Variants in PDE1C observed in about 807,000 individuals in gnomAD.
PDE1C encodes the protein phosphodiesterase 1C.
PDE1C carries 62 observed loss-of-function variants against 93.1 expected under a neutral mutation model. The ratio of observed to expected loss-of-function variants is 0.67; its 90% CI spans 0.54 to 0.82. The LOEUF (loss-of-function observed/expected upper bound fraction) is 0.82, where lower values mean the gene tolerates loss of function less well. Among genes scored for constraint, PDE1C ranks in the 40% least tolerant of loss-of-function variants. The pLI, the probability that PDE1C is intolerant of heterozygous loss-of-function variation, is 0.00. For synonymous variants in PDE1C, 325 were observed against 310.1 expected, an observed-to-expected ratio of 1.05 and a Z score of -0.50; for missense variants, 742 against 884.6, an observed-to-expected ratio of 0.84 and a Z score of 2.04.
exon 1 of PDE1C, chr7:32,299,119 G>T: frequency 9.6e-7 from 1 of 1,046,840 alleles, no homozygotes; most frequent in East Asian, 8.2e-5. Context: ...GCGCGCCACA[G>T]GAAAGTCTGT....
the PDE1C span, among the ~76,000 whole-genome samples, chr7:31,617,414 A>T: frequency 6.6e-6 from 1 of 152,222 alleles, no homozygotes; most frequent in Non-Finnish European, 1.5e-5. Context: ...CAAGAGAGTC[A>T]TTGAAATAAT....
chr7:31,701,442 T>C, the PDE1C span, among the ~76,000 whole-genome samples: 1 of 152,176 alleles, frequency 6.6e-6, no homozygotes. Context: ...GCAAAGAAAA[T>C]GGTTTCTTGA....
intron 15 of PDE1C, among the ~76,000 whole-genome samples, chr7:31,815,404 C>A (rs1788106259): frequency 6.6e-6 from 1 of 152,086 alleles, no homozygotes; most frequent in Non-Finnish European, 1.5e-5. Context: ...CCCCAGTTTG[C>A]CTGGAGCTCT....
At chr7:32,139,300 CTTTT>C (rs34277412) in intron 3 of PDE1C, among the ~76,000 whole-genome samples, 14 of 82,916 alleles carry the variant, frequency 1.7e-4, no homozygotes, top group African/African-American at 6.8e-4. Flanking sequence ...CAAAATCAAC[CTTTT>C]TTTTTTTTTT....
At chr7:31,998,434 G>A (rs1785042325) in intron 2 of PDE1C, among the ~76,000 whole-genome samples, 1 of 152,136 alleles carries the variant, frequency 6.6e-6, no homozygotes. Context: ...TCTATGGTAG[G>A]CCTCTGTGCA....
At chr7:31,724,154 T>C in the PDE1C span, among the ~76,000 whole-genome samples, 3 of 152,198 alleles carry the variant, frequency 2.0e-5, no homozygotes, top group East Asian at 3.9e-4. Flanking sequence ...CCTTTGTTCT[T>C]TGGTGTCTTT....
chr7:32,271,388 G>A (rs1036361119), intron 1 of PDE1C, among the ~76,000 whole-genome samples: 3 of 152,214 alleles, frequency 2.0e-5, no homozygotes, highest in Admixed American at 2.0e-4. Context: ...GTAATGCCAC[G>A]CTATTCTAGA....
At chr7:31,807,457 T>A (rs538005834) in intron 16 of PDE1C, among the ~76,000 whole-genome samples, 1 of 151,770 alleles carries the variant, frequency 6.6e-6, no homozygotes, top group East Asian at 2.0e-4. Context: ...TATGATTCAG[T>A]TACAAAGGGC....
At chr7:31,837,343 C>T (rs750626590) in intron 10 of PDE1C, 43 bp from the exon 11 acceptor site, 2 of 1,524,344 alleles carry the variant, frequency 1.3e-6, no homozygotes, top group Non-Finnish European at 1.8e-6. Context: ...CCACACTCTT[C>T]AGAACCTCAG....
intron 1 of PDE1C, among the ~76,000 whole-genome samples, chr7:32,211,942 C>A (rs73304673): frequency 0.023 from 3,426 of 148,196 alleles, 73 homozygotes; most frequent in African/African-American, 0.06. Context: ...AGAAGGATCA[C>A]TTGAGCCCAG....
chr7:32,098,628 T>G (rs1218349612), intron 3 of PDE1C, among the ~76,000 whole-genome samples: 1 of 152,232 alleles, frequency 6.6e-6, no homozygotes, highest in Non-Finnish European at 1.5e-5. Flanking sequence ...TCTTACTCTT[T>G]TTACTTTATT....
At chr7:32,011,690 G>A (rs962951734) in intron 2 of PDE1C, among the ~76,000 whole-genome samples, 2 of 152,166 alleles carry the variant, frequency 1.3e-5, no homozygotes, top group African/African-American at 4.8e-5. Context: ...GTGTTGACAA[G>A]GATATGGAGC....
rs1266931224 is a variant in PDE1C, at chr7:31,837,318, C to A, written c.1083-18G>T. ...TTTCAATGCTGTAAACCAAAAGCAC[C>A]CAAACACATGATAACCACACTCTTC... On this transcript the variant is annotated intron_variant, in intron 10 of 17. Coordinates refer to ENST00000396191, the MANE Select transcript of PDE1C (RefSeq NM_001191057.4). The A allele has an allele frequency of 6.3e-7, 1 of 1,594,428 alleles. No homozygotes were observed. Among genetic ancestry groups the A allele is most frequent in the Admixed American group, 1.7e-5 (1 of 57,892 alleles).
At chr7:32,187,343 T>C (rs1803951333) in intron 2 of PDE1C, among the ~76,000 whole-genome samples, 1 of 152,134 alleles carries the variant, frequency 6.6e-6, no homozygotes, top group Non-Finnish European at 1.5e-5. Context: ...TATGTTTCTC[T>C]TATATTTTTA....
At chr7:32,120,688 C>A (rs1799250619) in intron 3 of PDE1C, among the ~76,000 whole-genome samples, 1 of 152,122 alleles carries the variant, frequency 6.6e-6, no homozygotes, top group Non-Finnish European at 1.5e-5. Context: ...AAAGCAACAA[C>A]AACAAAAGTC....
Position 32,279,985 on chromosome 7 carries a change from C to T in PDE1C, c.85+18666G>A, listed in dbSNP as rs141784974. Among the ~76,000 whole-genome samples, 635 of 152,232 alleles carry T rather than the reference C, an allele frequency of 4.2e-3. 6 individuals carry two copies. Among genetic ancestry groups the T allele is most frequent in the African/African-American group, 0.015 (605 of 41,560 alleles). ...TAAGTGGGAAAAAAATGTAGACTAT[C>T]ACAACAGCATGCACAGAATGATCCC... On this transcript the variant is annotated intron_variant, in intron 1 of 18. Coordinates refer to the PDE1C transcript ENST00000396193.
chr7:31,715,718 C>A, the PDE1C span, among the ~76,000 whole-genome samples: 1 of 152,150 alleles, frequency 6.6e-6, no homozygotes, highest in Admixed American at 6.5e-5. Context: ...GAGTTTTGTT[C>A]CATCCCATTG....
the PDE1C span, among the ~76,000 whole-genome samples, chr7:31,628,348 C>T: frequency 6.6e-6 from 1 of 152,026 alleles, no homozygotes; most frequent in South Asian, 2.1e-4. Context: ...AGCCAACAAA[C>T]GACTGGTCTC....
At chr7:31,788,301 T>A (rs1237054315) in intron 16 of PDE1C, 1 of 152,124 alleles carries the variant, frequency 6.6e-6, no homozygotes, top group Non-Finnish European at 1.5e-5. Flanking sequence ...TATATTTAAT[T>A]TCAATACAAA....
Sources: allele counts gnomAD v4.1 joint callset (sites outside exome capture counted in the v4.1 genomes callset), GRCh38; gene constraint gnomAD v4.1.1; transcripts MANE v1.5; gene names NCBI Gene and HGNC (gene_info 2026-07-23, HGNC 2026-07-21).